The following COQ4 variants were observed in gnomAD, a reference collection of about 807,000 sequenced individuals.
COQ4 encodes coenzyme Q4.
Under a neutral mutation model 30.2 loss-of-function variants are expected in COQ4, and 36 were observed. The observed-to-expected ratio is 1.19, with a 90% CI of 0.91 to 1.57. The LOEUF is 1.57. Ranked by LOEUF, COQ4 falls within the 40% of genes most tolerant of loss-of-function variation. The probability of loss-of-function intolerance (pLI) is 0.00; values close to 1 mark genes in which losing one functional copy is unlikely to be tolerated. For synonymous variants in COQ4, 197 were observed against 161.0 expected (o/e 1.22, Z -1.69); for missense variants, 369 against 371.9 (o/e 0.99, Z 0.07).
chr9:128,333,067 AG>A, intron 6 of COQ4, 124 bp downstream of exon 6: 2 of 741,812 alleles, frequency 2.7e-6, no homozygotes, highest in Non-Finnish European at 4.8e-6. Flanking sequence ...CCAGTTCTCC[AG>A]GAAGTAAGGG....
Position 128,329,489 on chromosome 9 carries a change from C to G in COQ4, c.403-2664C>G, listed in dbSNP as rs1224712020. Reference sequence around the variant, plus strand: ...CCTCCTGGCAATTCTCCTGCCTCAGCCTCCTGAGTAGCTGGGACTACAGGC... The same window carrying G: ...CCTCCTGGCAATTCTCCTGCCTCAGGCTCCTGAGTAGCTGGGACTACAGGC... On this transcript the variant is annotated intron_variant, in intron 4 of 6. Transcript: ENST00000300452. Among the ~76,000 whole-genome samples the G allele has an allele frequency of 2.6e-5, 4 of 152,184 alleles. No individual in the cohort carries two copies. In the East Asian group the frequency reaches 5.8e-4, roughly 22 times the overall value.
chr9:128,323,153 G>A lies in COQ4; in HGVS notation c.202+6G>A, dbSNP rs376818916. On this transcript the variant is annotated splice_donor_region_variant and intron_variant, in intron 2 of 6. Coordinates refer to ENST00000300452, the MANE Select transcript of COQ4 (RefSeq NM_016035.5). ...CTATAACCCCTACCGCCACGGTAAG[G>A]CCGCCCGCGCCTCGCCCCCGTGGGG... The A allele has an allele frequency of 3.2e-5, 51 of 1,581,082 alleles. No homozygotes were observed. Among genetic ancestry groups the A allele is most frequent in the Non-Finnish European group, 4.1e-5 (48 of 1,168,372 alleles).
At chr9:128,323,806 A>C (rs886895628) in intron 2 of COQ4, among the ~76,000 whole-genome samples, 7 of 152,162 alleles carry the variant, frequency 4.6e-5, no homozygotes, top group African/African-American at 1.7e-4. Context: ...AAATACAAGA[A>C]TTAATTGGGG....
chr9:128,323,143 C>T lies in COQ4; in HGVS notation c.198C>T (p.Arg66=). The change falls in exon 2 of 7, where the codon CGC becomes CGT. Residue 66 remains arginine (R), a synonymous_variant. Transcript: ENST00000300452. ...SAAMALYNPY[R]HDMVAVLGET... is the part of the protein sequence containing the mutation. ...CGATGGCGCTCTATAACCCCTACCG[C>T]CACGGTAAGGCCGCCCGCGCCTCGC... The T allele has an allele frequency of 6.3e-7, 1 of 1,599,260 alleles. No homozygotes were observed. The highest frequency in any genetic ancestry group is 1.3e-5 in the African/African-American group (1 of 74,298).
At chr9:128,327,130 G>C (rs908609588) in intron 4 of COQ4, among the ~76,000 whole-genome samples, 1 of 152,076 alleles carries the variant, frequency 6.6e-6, no homozygotes, top group African/African-American at 2.4e-5. Context: ...TACTTCGAGA[G>C]GTAGACAATA....
At position 128,333,782 on chromosome 9, in the gene COQ4, C is replaced by T. The variant is rs995524836; in HGVS notation, c.*137C>T. Reference sequence around the variant, plus strand: ...AACATTTATCATAATTTGTCATAACCACTGCTGAGTGGCCTTGAGGACGAA... The same window carrying T: ...AACATTTATCATAATTTGTCATAACTACTGCTGAGTGGCCTTGAGGACGAA... On this transcript the variant is annotated 3_prime_UTR_variant, in exon 7 of 7. Transcript: ENST00000300452. The T allele has an allele frequency of 1.2e-6, 1 of 862,330 alleles. No individual in the cohort carries two copies. Among genetic ancestry groups the T allele is most frequent in the African/African-American group, 1.8e-5 (1 of 56,628 alleles). The allele number at this position is 862,330 out of a possible 1,614,324, so 53.4% of individuals were successfully genotyped here. A position where few individuals can be genotyped will look rare whatever the true frequency, so the allele number is the denominator to read the frequency against.
intron 6 of COQ4, 83 bp from the exon 7 acceptor site, chr9:128,333,391 A>G: frequency 8.6e-6 from 11 of 1,273,798 alleles, no homozygotes; most frequent in Non-Finnish European, 1.1e-5. Flanking sequence ...GTGAGGATGA[A>G]CTGAGAAAAT....
chr9:128,325,406 A>G (rs1243938413), intron 3 of COQ4, among the ~76,000 whole-genome samples, 167 bp downstream of exon 3: 2 of 152,196 alleles, frequency 1.3e-5, no homozygotes, highest in Non-Finnish European at 2.9e-5. Flanking sequence ...ATTCACATAC[A>G]TGTGTATACA....
At chr9:128,324,561 C>T (rs535849352) in intron 2 of COQ4, among the ~76,000 whole-genome samples, 2 of 152,214 alleles carry the variant, frequency 1.3e-5, no homozygotes, top group South Asian at 4.1e-4. Context: ...CACCTGTAAT[C>T]CCAGCAATTT....
intron 4 of COQ4, among the ~76,000 whole-genome samples, chr9:128,328,656 C>T (rs542526439): frequency 6.6e-5 from 10 of 152,306 alleles, no homozygotes; most frequent in East Asian, 3.9e-4. Flanking sequence ...GTCCCCGAGA[C>T]GATGTTCTGT....
Position 128,325,223 on chromosome 9 carries a change from G to T in COQ4, c.283G>T (p.Gly95Cys), listed in dbSNP as rs1225233540. ...GGACCAGATGAGGAGGGATCCAGAG[G>T]GTGCCCAGATCCTGCAGTAGGTCCC... The part of the protein sequence containing the change: ...LRDQMRRDPE[G>C]AQILQERPRI... The change falls in exon 3 of 7, where the codon GGT (glycine) becomes TGT (cysteine). Residue 95 changes from glycine to cysteine, a missense_variant. Coordinates refer to ENST00000300452, the MANE Select transcript of COQ4 (RefSeq NM_016035.5). The T allele has an allele frequency of 6.2e-7, 1 of 1,613,656 alleles. No individual in the cohort carries two copies. Among genetic ancestry groups the T allele is most frequent in the Non-Finnish European group, 8.5e-7 (1 of 1,179,740 alleles).
intron 5 of COQ4, 84 bp downstream of exon 5, chr9:128,332,366 G>T: frequency 6.9e-7 from 1 of 1,457,628 alleles, no homozygotes. Flanking sequence ...ACCACCCTCT[G>T]CATCACCTGG....
At chr9:128,333,218 G>A (rs1832444110) in intron 6 of COQ4, among the ~76,000 whole-genome samples, 1 of 152,150 alleles carries the variant, frequency 6.6e-6, no homozygotes, top group South Asian at 2.1e-4. Context: ...AGCGTCAGTG[G>A]GAAGGCAGGT....
chr9:128,323,830 G>A (rs1271315681), intron 2 of COQ4, among the ~76,000 whole-genome samples: 1 of 152,218 alleles, frequency 6.6e-6, no homozygotes, highest in African/African-American at 2.4e-5. Context: ...GTTGCATGCG[G>A]CTGTATTCCC....
In COQ4 at chr9:128,325,195, CAG is replaced by C; in HGVS notation, c.256_257del (p.Arg86GlyfsTer63). 6.2e-7 allele frequency: 1 copy of C among 1,614,184 alleles called. No individual in the cohort carries two copies. ...CAGGACACCGCACCCTGAAGGTCCT[CAG>C]GGACCAGATGAGGAGGGATCCAGAG... ...TTGHRTLKVL[R>X]DQMRRDPEGA... On this transcript the variant is annotated frameshift_variant, in exon 3 of 7. Coordinates refer to ENST00000300452, the MANE Select transcript of COQ4 (RefSeq NM_016035.5). LOFTEE classifies it high-confidence loss of function.
intron 2 of COQ4, among the ~76,000 whole-genome samples, chr9:128,324,751 AAAAAC>A (rs1185062965): frequency 6.6e-6 from 1 of 151,820 alleles, no homozygotes; most frequent in Non-Finnish European, 1.5e-5. Context: ...CCTGTCTCAA[AAAAAC>A]AAAACAAAAC....
chr9:128,322,996 G>T lies in COQ4; in HGVS notation c.71-20G>T. On this transcript the variant is annotated intron_variant, in intron 1 of 6. Transcript: ENST00000300452. ...AGGGCGCCCGGCTCCTCTGACCTCG[G>T]CCTTTTTCTTGCCCCGCAGAAATGC... 1 of 1,610,234 alleles carries T rather than the reference G, an allele frequency of 6.2e-7. No individual in the cohort carries two copies. Among genetic ancestry groups the T allele is most frequent in the African/African-American group, 1.3e-5 (1 of 75,032 alleles).
intron 4 of COQ4, among the ~76,000 whole-genome samples, chr9:128,329,460 T>C (rs963473056): frequency 2.6e-5 from 4 of 152,148 alleles, no homozygotes; most frequent in Non-Finnish European, 5.9e-5. Context: ...CACTGCAACC[T>C]CCACCTCCTG....
chr9:128,332,462 G>C, intron 5 of COQ4, 180 bp downstream of exon 5: 1 of 683,672 alleles, frequency 1.5e-6, no homozygotes, highest in South Asian at 1.8e-5. Context: ...TGCCCCTCAG[G>C]GCTCCTGCAC....
Sources: allele counts gnomAD v4.1 joint callset (sites outside exome capture counted in the v4.1 genomes callset), GRCh38; gene constraint gnomAD v4.1.1; transcripts MANE v1.5; gene names NCBI Gene and HGNC (gene_info 2026-07-23, HGNC 2026-07-21).